PCNX1: variants seen among roughly 807,000 people sequenced by gnomAD.
The protein encoded by PCNX1 is pecanex 1.
PCNX1 carries 78 observed loss-of-function variants against 242.2 expected under a neutral mutation model. The observed-to-expected ratio is 0.32, with a 90% CI of 0.27 to 0.39. The LOEUF (loss-of-function observed/expected upper bound fraction) is 0.39, where lower values mean the gene tolerates loss of function less well. Among genes scored for constraint, PCNX1 ranks in the 10% least tolerant of loss-of-function variants. The pLI is 1.00. For synonymous variants in PCNX1, 1,024 were observed against 1,032.9 expected, an observed-to-expected ratio of 0.99 and a Z score of 0.17; for missense variants, 2,581 against 2,856.5, an observed-to-expected ratio of 0.90 and a Z score of 2.20.
rs578055414 is a variant in PCNX1, at chr14:70,987,305, A to G, written c.2312-1262A>G. 4.6e-5 allele frequency among the ~76,000 whole-genome samples: 7 copies of G among 152,344 alleles called. No homozygotes were observed. In the South Asian group the frequency reaches 1.2e-3, roughly 27 times the overall value. ...TCCAGTAATGGTAACCACTAGCTAC[A>G]TGTAGCAACGGAGCACTTGAAGTAT... On this transcript the variant is annotated intron_variant, in intron 6 of 35. Coordinates refer to ENST00000304743, the MANE Select transcript of PCNX1 (RefSeq NM_014982.3).
At chr14:71,002,961 T>C (rs1227364017) in intron 8 of PCNX1, among the ~76,000 whole-genome samples, 1 of 152,180 alleles carries the variant, frequency 6.6e-6, no homozygotes, top group Non-Finnish European at 1.5e-5. Flanking sequence ...GAATTTCTCT[T>C]ATGACTAAAG....
At position 70,913,147 on chromosome 14, in the gene PCNX1, G is replaced by C. The variant is rs145653039; in HGVS notation, c.153+5144G>C. On this transcript the variant is annotated intron_variant, in intron 1 of 35. Transcript: ENST00000304743. ...TAAGTTCCATGAGGGCAGGGGCCAGGTCTGATTTACTCATCAGTGTTTATC... is the reference window on the plus strand; with the variant it reads ...TAAGTTCCATGAGGGCAGGGGCCAGCTCTGATTTACTCATCAGTGTTTATC... 1.3e-3 allele frequency among the ~76,000 whole-genome samples: 199 copies of C among 152,306 alleles called. 1 individual carries two copies. Among genetic ancestry groups the C allele is most frequent in the African/African-American group, 4.5e-3 (188 of 41,576 alleles).
intron 1 of PCNX1, 66 bp downstream of exon 1, chr14:70,908,069 C>T (rs937154403): frequency 7.0e-7 from 1 of 1,434,984 alleles, no homozygotes; most frequent in Non-Finnish European, 9.3e-7. Flanking sequence ...GCTGGGGTCG[C>T]GCCCTCTTCC....
intron 12 of PCNX1, among the ~76,000 whole-genome samples, chr14:71,020,478 T>C (rs991647047): frequency 2.6e-5 from 4 of 152,242 alleles, no homozygotes; most frequent in African/African-American, 9.6e-5. Flanking sequence ...CTGTTCTAAC[T>C]GGCTTGAGAT....
At chr14:71,010,300 A>G (rs2059787893) in intron 9 of PCNX1, among the ~76,000 whole-genome samples, 1 of 152,128 alleles carries the variant, frequency 6.6e-6, no homozygotes, top group Admixed American at 6.5e-5. Flanking sequence ...AAAGCTAATC[A>G]GGACTTACTC....
chr14:71,075,595 C>T (rs563181248), intron 27 of PCNX1, among the ~76,000 whole-genome samples: 1 of 152,108 alleles, frequency 6.6e-6, no homozygotes, highest in Non-Finnish European at 1.5e-5. Context: ...AGTTCAAAAT[C>T]TGTAAAATCC....
At chr14:70,925,442 A>G (rs1206379371) in intron 1 of PCNX1, among the ~76,000 whole-genome samples, 1 of 152,182 alleles carries the variant, frequency 6.6e-6, no homozygotes, top group Non-Finnish European at 1.5e-5. Flanking sequence ...TTGTTTGAAA[A>G]ATAGATTTTT....
intron 1 of PCNX1, among the ~76,000 whole-genome samples, chr14:70,940,663 A>C (rs1429932680): frequency 6.6e-6 from 1 of 152,088 alleles, no homozygotes; most frequent in Non-Finnish European, 1.5e-5. Flanking sequence ...CCTGAATTTG[A>C]ATGTTGGCCT....
chr14:70,955,848 T>C (rs2057971988), intron 2 of PCNX1, among the ~76,000 whole-genome samples: 1 of 152,108 alleles, frequency 6.6e-6, no homozygotes, highest in Non-Finnish European at 1.5e-5. Context: ...AGTGCAGAAA[T>C]TTTACTAGAG....
chr14:71,049,388 C>A (rs997233558), intron 22 of PCNX1, among the ~76,000 whole-genome samples: 2 of 152,068 alleles, frequency 1.3e-5, no homozygotes, highest in African/African-American at 2.4e-5. Context: ...TCTTCAGATA[C>A]ATTTTTTACA....
chr14:71,019,658 C>G (rs983575591), intron 12 of PCNX1, among the ~76,000 whole-genome samples: 1 of 152,118 alleles, frequency 6.6e-6, no homozygotes, highest in African/African-American at 2.4e-5. Flanking sequence ...CCTTGGCTTC[C>G]CAAAGTACTG....
intron 2 of PCNX1, among the ~76,000 whole-genome samples, chr14:70,948,421 G>C (rs560677105): frequency 9.9e-5 from 15 of 152,010 alleles, no homozygotes; most frequent in Non-Finnish European, 1.9e-4. Context: ...TTGAAATATT[G>C]GGGGCTGGTT....
intron 26 of PCNX1, among the ~76,000 whole-genome samples, chr14:71,058,172 A>G (rs2061233765): frequency 6.6e-6 from 1 of 152,194 alleles, no homozygotes; most frequent in Non-Finnish European, 1.5e-5. Context: ...ATTCACATAA[A>G]ATAAAATTGA....
chr14:70,911,127 CTG>C (rs2055885934), intron 1 of PCNX1, among the ~76,000 whole-genome samples: 1 of 152,206 alleles, frequency 6.6e-6, no homozygotes, highest in South Asian at 2.1e-4. Context: ...ACAATAATAA[CTG>C]TAAGTGATAA....
Position 70,978,197 on chromosome 14 carries a change from C to T in PCNX1, c.1860C>T (p.Phe620=), listed in dbSNP as rs754147740. The part of the protein sequence containing the change: ...RASSVQSAHQ[F]SSDSSSSTTS... ...CAAGTGTTCAGTCTGCTCACCAGTT[C>T]AGCAGTGATAGCTCTTCTAGCACCA... The change falls in exon 6 of 36, where the codon TTC becomes TTT. Residue 620 remains phenylalanine, a synonymous_variant. Coordinates refer to ENST00000304743, the MANE Select transcript of PCNX1 (RefSeq NM_014982.3). 6.2e-7 allele frequency: 1 copy of T among 1,614,034 alleles called. No individual in the cohort carries two copies. The highest frequency in any genetic ancestry group is 8.5e-7 in the Non-Finnish European group (1 of 1,179,968).
rs747581315 is a variant in PCNX1, at chr14:71,081,747, TTC to T, written c.5337+5334_5337+5335del. On this transcript the variant is annotated intron_variant, in intron 28 of 35. Coordinates refer to ENST00000304743, the MANE Select transcript of PCNX1 (RefSeq NM_014982.3). ...CATTTTTACTGTGTCTATTTGATTC[TTC>T]TCTCTTTTCTTCTTTATTAATCTAA... Among the ~76,000 whole-genome samples the T allele has an allele frequency of 3.9e-5, 6 of 152,332 alleles. No homozygotes were observed. In the East Asian group the frequency reaches 9.6e-4, roughly 24 times the overall value.
intron 2 of PCNX1, among the ~76,000 whole-genome samples, chr14:70,955,752 A>G (rs1017273592): frequency 2.0e-5 from 3 of 152,140 alleles, no homozygotes; most frequent in Admixed American, 2.0e-4. Flanking sequence ...GAAAACTCTT[A>G]CTCAGCTATT....
intron 2 of PCNX1, among the ~76,000 whole-genome samples, chr14:70,954,180 A>G (rs2057902343): frequency 6.6e-6 from 1 of 152,140 alleles, no homozygotes; most frequent in South Asian, 2.1e-4. Flanking sequence ...TTTCCTTAGT[A>G]ATTTGCAGCA....
intron 19 of PCNX1, among the ~76,000 whole-genome samples, chr14:71,042,415 T>G (rs2060733300): frequency 6.6e-6 from 1 of 152,164 alleles, no homozygotes; most frequent in Non-Finnish European, 1.5e-5. Context: ...TATTATTATA[T>G]AACGACCTTC....
Sources: gnomAD v4.1 joint callset for allele counts (sites outside exome capture counted in the v4.1 genomes callset) on GRCh38, gnomAD v4.1.1 for gene constraint, MANE v1.5 for transcripts, NCBI Gene and HGNC (gene_info 2026-07-23, HGNC 2026-07-21) for gene names.